ITFG1: variants seen among roughly 807,000 people sequenced by gnomAD.
ITFG1 encodes T-cell immunomodulatory protein.
ITFG1 carries 34 observed loss-of-function variants against 81.8 expected under a neutral mutation model. The observed-to-expected ratio is 0.42, with a 90% confidence interval of 0.32 to 0.55. The LOEUF is 0.55. Among genes scored for constraint, ITFG1 ranks in the 20% least tolerant of loss-of-function variants. The pLI is 0.17. For synonymous variants in ITFG1, 285 were observed against 270.6 expected (o/e 1.05, Z -0.52); for missense variants, 672 against 755.4 (o/e 0.89, Z 1.29).
chr16:47,276,649 C>T (rs1294819714), intron 10 of ITFG1, among the ~76,000 whole-genome samples: 1 of 152,072 alleles, frequency 6.6e-6, no homozygotes, highest in Non-Finnish European at 1.5e-5. Flanking sequence ...ATGATTAATA[C>T]TATGTGGAAT....
At chr16:47,237,283 T>A (rs1965887835) in intron 13 of ITFG1, among the ~76,000 whole-genome samples, 1 of 152,188 alleles carries the variant, frequency 6.6e-6, no homozygotes, top group African/African-American at 2.4e-5. Flanking sequence ...TGTATTGCAG[T>A]TCCACTATTT....
chr16:47,422,042 T>C (rs1353545589), intron 6 of ITFG1, among the ~76,000 whole-genome samples: 1 of 152,228 alleles, frequency 6.6e-6, no homozygotes, highest in East Asian at 1.9e-4. Context: ...TATTCCATGG[T>C]GTATATATGC....
chr16:47,328,147 A>T (rs77588285), intron 8 of ITFG1, among the ~76,000 whole-genome samples: 2 of 152,284 alleles, frequency 1.3e-5, no homozygotes, highest in South Asian at 4.1e-4. Context: ...AGCCATAAAA[A>T]ATGATGAGTT....
At chr16:47,324,097 A>T (rs1967492062) in intron 8 of ITFG1, among the ~76,000 whole-genome samples, 1 of 152,204 alleles carries the variant, frequency 6.6e-6, no homozygotes, top group South Asian at 2.1e-4. Context: ...TAAAATGAAG[A>T]GAAATATTTC....
At chr16:47,309,763 A>G (rs563750394) in intron 10 of ITFG1, among the ~76,000 whole-genome samples, 3 of 152,370 alleles carry the variant, frequency 2.0e-5, no homozygotes, top group African/African-American at 7.2e-5. Context: ...CTGCTGAGTT[A>G]GCAGTTGATA....
chr16:47,347,894 G>A (rs566351321), intron 8 of ITFG1, among the ~76,000 whole-genome samples: 25 of 152,260 alleles, frequency 1.6e-4, no homozygotes, highest in African/African-American at 3.8e-4. Context: ...AGCAATATTC[G>A]CTGTTCAGCA....
intron 5 of ITFG1, among the ~76,000 whole-genome samples, chr16:47,444,650 T>C (rs1464531791): frequency 6.6e-6 from 1 of 152,154 alleles, no homozygotes; most frequent in Non-Finnish European, 1.5e-5. Context: ...TAAATGGAAT[T>C]TTCTTGATAT....
chr16:47,359,810 C>A lies in ITFG1; in HGVS notation c.802+5978G>T, dbSNP rs1231227285. Among the ~76,000 whole-genome samples, 4 of 152,238 alleles carry A rather than the reference C, an allele frequency of 2.6e-5. No homozygotes were observed. In the East Asian group the frequency reaches 5.8e-4, roughly 22 times the overall value. ...GTCTCAGATCAGATGTAACCTCCAA[C>A]GAGCTACTTAAAATAGCCCTTCTCA... On this transcript the variant is annotated intron_variant, in intron 8 of 17. Coordinates refer to ENST00000320640, the MANE Select transcript of ITFG1 (RefSeq NM_030790.5).
chr16:47,196,917 G>A (rs957257925), intron 14 of ITFG1, among the ~76,000 whole-genome samples: 1 of 152,052 alleles, frequency 6.6e-6, no homozygotes, highest in Non-Finnish European at 1.5e-5. Context: ...GTGACAGAGC[G>A]AGACCCTGTC....
rs536997170 is a variant in ITFG1 at position 47,181,624 on chromosome 16, C to T, written c.1454-18960G>A. On this transcript the variant is annotated intron_variant, in intron 14 of 17. Coordinates refer to ENST00000320640, the MANE Select transcript of ITFG1 (RefSeq NM_030790.5). ...GAGGTGAGGGGCGCCTCTGCCCGGC[C>T]GCCCCTACTGGGAAGTGAGGAGCCC... Among the ~76,000 whole-genome samples the T allele has an allele frequency of 1.5e-4, 22 of 151,686 alleles. No homozygotes were observed. In the East Asian group the frequency reaches 1.8e-3, roughly 12 times the overall value.
intron 6 of ITFG1, among the ~76,000 whole-genome samples, chr16:47,426,758 G>C (rs532270781): frequency 6.6e-6 from 1 of 152,006 alleles, no homozygotes; most frequent in East Asian, 1.9e-4. Context: ...TGTAGCAAAA[G>C]TCATAATCAA....
At chr16:47,295,185 C>T (rs185330094) in intron 10 of ITFG1, among the ~76,000 whole-genome samples, 13 of 152,208 alleles carry the variant, frequency 8.5e-5, no homozygotes, top group Admixed American at 2.6e-4. Context: ...ATCTTTGCAT[C>T]GCTGGAATAA....
intron 5 of ITFG1, among the ~76,000 whole-genome samples, chr16:47,441,489 G>A (rs925372019): frequency 1.4e-4 from 22 of 152,138 alleles, no homozygotes; most frequent in East Asian, 3.8e-4. Context: ...CCATGATCAC[G>A]TGGGCTTCAT....
intron 14 of ITFG1, among the ~76,000 whole-genome samples, chr16:47,217,309 T>C (rs1223109855): frequency 6.6e-6 from 1 of 152,220 alleles, no homozygotes; most frequent in Non-Finnish European, 1.5e-5. Context: ...TGTTAGGTTT[T>C]AGATAGGATT....
At chr16:47,365,539 G>GTTTTGCATA in intron 8 of ITFG1, 1 of 369,608 alleles carries the variant, frequency 2.7e-6, no homozygotes, top group East Asian at 4.1e-5. Flanking sequence ...TAGTTTTCTT[G>GTTTTGCATA]TTTTGCATAT....
chr16:47,441,630 C>T (rs532157018), intron 5 of ITFG1, among the ~76,000 whole-genome samples: 11 of 152,178 alleles, frequency 7.2e-5, no homozygotes, highest in Non-Finnish European at 1.5e-4. Flanking sequence ...AATTCAACAA[C>T]CCTTCATGCT....
intron 6 of ITFG1, among the ~76,000 whole-genome samples, chr16:47,383,902 C>G (rs906888802): frequency 6.6e-6 from 1 of 152,130 alleles, no homozygotes; most frequent in African/African-American, 2.4e-5. Context: ...AAAACTCCAT[C>G]TCAAAAGAAA....
chr16:47,403,761 TAC>T (rs55978309), intron 6 of ITFG1, among the ~76,000 whole-genome samples: 23,799 of 132,926 alleles, frequency 0.18, 1,926 homozygotes, highest in Non-Finnish European at 0.2. Flanking sequence ...TCTCTCTTGG[TAC>T]ACACACACAC....
At chr16:47,320,319 T>A (rs1411084275) in intron 8 of ITFG1, among the ~76,000 whole-genome samples, 1 of 152,240 alleles carries the variant, frequency 6.6e-6, no homozygotes, top group Admixed American at 6.5e-5. Flanking sequence ...TACTAATATT[T>A]TGCTTTATGG....
Sources: allele counts gnomAD v4.1 joint callset (sites outside exome capture counted in the v4.1 genomes callset), GRCh38; gene constraint gnomAD v4.1.1; transcripts MANE v1.5; gene names NCBI Gene and HGNC (gene_info 2026-07-23, HGNC 2026-07-21).